Variants in RYR2 observed in about 807,000 individuals in gnomAD.
RYR2 encodes the protein cardiac muscle ryanodine receptor-calcium release channel.
In RYR2, 227 loss-of-function variants were observed where a neutral mutation model predicts 601.1. That is an observed-to-expected ratio of 0.38 (90% CI 0.34 to 0.42). The LOEUF is 0.42. Among genes scored for constraint, RYR2 ranks in the 10% least tolerant of loss-of-function variants. The probability of loss-of-function intolerance (pLI) is 1.00; values close to 1 mark genes in which losing one functional copy is unlikely to be tolerated. For missense variants in RYR2, 4,646 were observed against 6,156.5 expected, an observed-to-expected ratio of 0.75 and a Z score of 8.21; for synonymous variants, 2,223 against 2,175.1, an observed-to-expected ratio of 1.02 and a Z score of -0.61.
chr1:237,586,292 AT>A (rs1249890356), intron 29 of RYR2, among the ~76,000 whole-genome samples: 1 of 152,136 alleles, frequency 6.6e-6, no homozygotes, highest in African/African-American at 2.4e-5. Flanking sequence ...GGCTGCACGT[AT>A]TTACTCCTGT....
chr1:237,122,024 C>A (rs1234071520), intron 1 of RYR2, among the ~76,000 whole-genome samples: 2 of 152,200 alleles, frequency 1.3e-5, no homozygotes, highest in African/African-American at 2.4e-5. Flanking sequence ...TTGAGGAACA[C>A]CTGCCTTACC....
chr1:237,768,849 C>T (rs1216534822), intron 84 of RYR2, among the ~76,000 whole-genome samples: 2 of 152,164 alleles, frequency 1.3e-5, no homozygotes, highest in Non-Finnish European at 2.9e-5. Flanking sequence ...AGGCCTGACT[C>T]GTCCCCTCCC....
At chr1:237,712,396 G>A (rs1429801035) in intron 71 of RYR2, among the ~76,000 whole-genome samples, 3 of 151,918 alleles carry the variant, frequency 2.0e-5, no homozygotes, top group African/African-American at 7.3e-5. Context: ...TGGTTGACTT[G>A]TATATGAAAA....
At chr1:237,482,502 A>G (rs1240231187) in intron 17 of RYR2, among the ~76,000 whole-genome samples, 1 of 152,088 alleles carries the variant, frequency 6.6e-6, no homozygotes, top group Non-Finnish European at 1.5e-5. Flanking sequence ...ACTCATCTCC[A>G]GTTCATCCAT....
intron 1 of RYR2, among the ~76,000 whole-genome samples, chr1:237,185,272 C>G (rs984383624): frequency 1.3e-5 from 2 of 152,090 alleles, no homozygotes; most frequent in Non-Finnish European, 2.9e-5. Context: ...ATTGCTGTTA[C>G]GGGCATGAGC....
At chr1:237,222,361 C>T (rs1683906773) in intron 1 of RYR2, among the ~76,000 whole-genome samples, 1 of 150,820 alleles carries the variant, frequency 6.6e-6, no homozygotes, top group African/African-American at 2.4e-5. Context: ...TGCAGTGAGC[C>T]AATATCGCAC....
intron 35 of RYR2, among the ~76,000 whole-genome samples, chr1:237,603,592 G>A (rs932018555): frequency 6.6e-6 from 1 of 152,186 alleles, no homozygotes; most frequent in Admixed American, 6.5e-5. Context: ...AACCTTAAAT[G>A]TAAATGGGCT....
chr1:237,628,729 T>C (rs1281853093), intron 41 of RYR2, among the ~76,000 whole-genome samples: 2 of 151,992 alleles, frequency 1.3e-5, no homozygotes, highest in East Asian at 3.9e-4. Flanking sequence ...TACAATAATA[T>C]ATAAAAACAT....
At chr1:237,717,087 A>G in intron 71 of RYR2, 111 bp from the exon 72 acceptor site, 1 of 920,614 alleles carries the variant, frequency 1.1e-6, no homozygotes, top group South Asian at 1.9e-5. Context: ...TTTCAAAACT[A>G]GGGAGCAGCA....
At chr1:237,704,353 A>G (rs1048796033) in intron 66 of RYR2, among the ~76,000 whole-genome samples, 2 of 152,080 alleles carry the variant, frequency 1.3e-5, no homozygotes, top group African/African-American at 2.4e-5. Flanking sequence ...ATCATCAACC[A>G]TTTGTAAAGT....
chr1:237,170,141 G>C (rs1158857829), intron 1 of RYR2, among the ~76,000 whole-genome samples: 2 of 152,188 alleles, frequency 1.3e-5, no homozygotes, highest in Non-Finnish European at 2.9e-5. Flanking sequence ...AAAACACATG[G>C]TAATAGGAAG....
intron 83 of RYR2, 114 bp from the exon 84 acceptor site, chr1:237,760,841 A>G: frequency 4.3e-6 from 3 of 705,522 alleles, no homozygotes; most frequent in Non-Finnish European, 7.4e-6. Context: ...TTTTCAGTGT[A>G]CGTTAACATT....
chr1:237,828,781 G>A (rs1233286722), intron 102 of RYR2, among the ~76,000 whole-genome samples: 1 of 152,122 alleles, frequency 6.6e-6, no homozygotes, highest in Non-Finnish European at 1.5e-5. Flanking sequence ...TAAAGCCCTG[G>A]AGTGGTAGGG....
chr1:237,471,259 C>T (rs765251729), intron 17 of RYR2: 11 of 152,344 alleles, frequency 7.2e-5, no homozygotes, highest in Non-Finnish European at 1.6e-4. Flanking sequence ...CCCGTGGAAG[C>T]TTCCAACTTG....
intron 33 of RYR2, among the ~76,000 whole-genome samples, chr1:237,594,710 T>C (rs1266976569): frequency 6.6e-6 from 1 of 151,872 alleles, no homozygotes; most frequent in Admixed American, 6.6e-5. Context: ...TTTTTGTTCT[T>C]TCCCTTCTGC....
At chr1:237,789,465 A>C (rs1364634704) in intron 92 of RYR2, among the ~76,000 whole-genome samples, 1 of 99,852 alleles carries the variant, frequency 1.0e-5, no homozygotes, top group Non-Finnish European at 2.3e-5. Flanking sequence ...CTAGATAACT[A>C]ACTCTGAATA....
intron 6 of RYR2, among the ~76,000 whole-genome samples, chr1:237,371,659 A>G (rs1284341565): frequency 6.6e-6 from 1 of 152,218 alleles, no homozygotes; most frequent in Non-Finnish European, 1.5e-5. Flanking sequence ...TATCAATAAC[A>G]CTATCCAACT....
Position 237,591,658 on chromosome 1 carries a change from A to G in RYR2, c.4161-81A>G, listed in dbSNP as rs569932693. The G allele has an allele frequency of 6.9e-6, 8 of 1,167,254 alleles. No homozygotes were observed. The East Asian group carries it at 2.0e-4, about 30-fold the overall frequency. 72.3% of individuals were successfully genotyped at this position (1,167,254 alleles called of 1,614,324 possible). On this transcript the variant is annotated intron_variant, in intron 31 of 104. Transcript: ENST00000366574. ...AGCAAAATCGCCCAGGTTTAAGGCA[A>G]CTCAATTGATTATATGCTCATATTT... is the stretch of plus-strand genomic sequence containing the variant.
At chr1:237,733,368 C>T (rs1042408431) in intron 78 of RYR2, among the ~76,000 whole-genome samples, 5 of 152,142 alleles carry the variant, frequency 3.3e-5, no homozygotes, top group African/African-American at 1.2e-4. Context: ...GTCAAAAGCC[C>T]CCACCTCATT....
Sources: gnomAD v4.1 joint callset for allele counts (sites outside exome capture counted in the v4.1 genomes callset) on GRCh38, gnomAD v4.1.1 for gene constraint, MANE v1.5 for transcripts, NCBI Gene and HGNC (gene_info 2026-07-23, HGNC 2026-07-21) for gene names.